PRKN: variants seen among roughly 807,000 people sequenced by gnomAD.
PRKN encodes parkin RBR E3 ubiquitin protein ligase, also known as E3 ubiquitin-protein ligase parkin.
In PRKN, 56 loss-of-function variants were observed where a neutral mutation model predicts 59.5. That is an observed-to-expected ratio of 0.94 (90% CI 0.76 to 1.18). PRKN has a LOEUF of 1.18. Among genes scored for constraint, PRKN ranks in the 50% most tolerant of loss-of-function variants. The probability of loss-of-function intolerance (pLI) is 0.00; values close to 1 mark genes in which losing one functional copy is unlikely to be tolerated. For synonymous variants in PRKN, 250 were observed against 222.1 expected (o/e 1.13, Z -1.12); for missense variants, 657 against 596.4 (o/e 1.10, Z -1.06).
intron 6 of PRKN, among the ~76,000 whole-genome samples, chr6:161,930,530 T>C (rs1299078946): frequency 1.3e-5 from 2 of 152,212 alleles, no homozygotes; most frequent in African/African-American, 4.8e-5. Context: ...CATGGCTGAG[T>C]ACCTCGTTGT....
intron 9 of PRKN, among the ~76,000 whole-genome samples, chr6:161,427,268 C>G (rs1203836524): frequency 6.6e-6 from 1 of 152,146 alleles, no homozygotes; most frequent in African/African-American, 2.4e-5. Context: ...CTTGGCCTCC[C>G]AAAATGCTGG....
chr6:161,839,860 C>T (rs1792912418), intron 6 of PRKN, among the ~76,000 whole-genome samples: 1 of 152,166 alleles, frequency 6.6e-6, no homozygotes, highest in Admixed American at 6.5e-5. Flanking sequence ...AAAATGTATC[C>T]TATTATAAAA....
chr6:161,370,984 G>A (rs940807929), intron 10 of PRKN, among the ~76,000 whole-genome samples: 9 of 152,290 alleles, frequency 5.9e-5, no homozygotes, highest in South Asian at 4.1e-4. Context: ...GCACTGCTGC[G>A]TGTGAGCAGC....
chr6:162,269,390 G>C (rs1488918098), intron 2 of PRKN, among the ~76,000 whole-genome samples: 3 of 152,186 alleles, frequency 2.0e-5, no homozygotes, highest in Admixed American at 2.0e-4. Flanking sequence ...GATGGCGTTA[G>C]TAACTTACCC....
At chr6:162,556,246 C>T (rs1163265290) in intron 1 of PRKN, among the ~76,000 whole-genome samples, 1 of 152,028 alleles carries the variant, frequency 6.6e-6, no homozygotes, top group African/African-American at 2.4e-5. Context: ...CCATTGTAAG[C>T]TCTCTGCGAA....
chr6:162,262,782 TAAAAAAAAAAA>T lies in PRKN; in HGVS notation c.172-28_172-18del, dbSNP rs751742289. 3.6e-4 allele frequency: 495 copies of T among 1,361,532 alleles called. 1 individual carries two copies. In the African/African-American group the frequency reaches 9.3e-3, roughly 26 times the overall value. 84.3% of individuals were successfully genotyped at this position (1,361,532 alleles called of 1,614,324 possible). A position where few individuals can be genotyped will look rare whatever the true frequency, so the allele number is the denominator to read the frequency against. On this transcript the variant is annotated intron_variant, in intron 2 of 11. Transcript: ENST00000366898. ...GTCACAATTCTGTTTGGGAGCAAGGTAAAAAAAAAAAAAAAAAAAAAGGAAATGTCAAACAT... is the reference window on the plus strand; with the variant it reads ...GTCACAATTCTGTTTGGGAGCAAGGTAAAAAAAAAAGGAAATGTCAAACAT...
intron 6 of PRKN, among the ~76,000 whole-genome samples, chr6:161,808,693 C>T (rs1220458739): frequency 6.6e-6 from 1 of 151,592 alleles, no homozygotes; most frequent in East Asian, 1.9e-4. Flanking sequence ...ACAAAATACA[C>T]TCTCCAATTT....
chr6:161,698,394 A>C (rs1211093343), intron 7 of PRKN, among the ~76,000 whole-genome samples: 1 of 152,188 alleles, frequency 6.6e-6, no homozygotes, highest in East Asian at 1.9e-4. Flanking sequence ...ATTCAGGATA[A>C]TGCCTAGAGT....
chr6:162,540,431 G>T (rs1778883120), intron 1 of PRKN, among the ~76,000 whole-genome samples: 1 of 151,994 alleles, frequency 6.6e-6, no homozygotes, highest in Non-Finnish European at 1.5e-5. Flanking sequence ...AATAATATAG[G>T]TAGGCAGAAT....
chr6:161,874,163 TAA>T (rs1491214763), intron 6 of PRKN, among the ~76,000 whole-genome samples: 15 of 46,256 alleles, frequency 3.2e-4, no homozygotes, highest in East Asian at 2.5e-3. Context: ...ATATTATATA[TAA>T]TATATAATAT....
At chr6:162,055,456 T>C (rs564595810) in intron 4 of PRKN, among the ~76,000 whole-genome samples, 52 of 152,166 alleles carry the variant, frequency 3.4e-4, no homozygotes, top group African/African-American at 1.3e-3. Context: ...GGGCTCAGGG[T>C]TCAGGAAATG....
chr6:162,203,733 T>TAGTC (rs914999077), intron 3 of PRKN, among the ~76,000 whole-genome samples: 2 of 152,194 alleles, frequency 1.3e-5, no homozygotes, highest in African/African-American at 4.8e-5. Flanking sequence ...TAGCTGTCTC[T>TAGTC]AGTCAATAGC....
At chr6:161,891,435 G>A (rs992055322) in intron 6 of PRKN, among the ~76,000 whole-genome samples, 2 of 152,146 alleles carry the variant, frequency 1.3e-5, no homozygotes, top group African/African-American at 2.4e-5. Flanking sequence ...CTTCAATTTC[G>A]TATTGTTCGG....
chr6:162,358,459 ATAAT>A (rs1000695034), intron 2 of PRKN, among the ~76,000 whole-genome samples: 5 of 152,190 alleles, frequency 3.3e-5, no homozygotes, highest in East Asian at 3.8e-4. Flanking sequence ...TTTTAAAATA[ATAAT>A]TAAATTGTTT....
chr6:162,569,232 C>G, intron 1 of PRKN: 1 of 574,778 alleles, frequency 1.7e-6, no homozygotes, highest in South Asian at 1.6e-5. Flanking sequence ...CAGCCCCAGG[C>G]TGAGACTGAG....
At chr6:162,078,211 G>C (rs572468163) in intron 4 of PRKN, among the ~76,000 whole-genome samples, 2 of 151,690 alleles carry the variant, frequency 1.3e-5, no homozygotes, top group African/African-American at 4.9e-5. Context: ...GAAATTCAAC[G>C]TTCTCTCATT....
At chr6:162,269,091 G>T (rs1387546414) in intron 2 of PRKN, among the ~76,000 whole-genome samples, 1 of 152,172 alleles carries the variant, frequency 6.6e-6, no homozygotes, top group African/African-American at 2.4e-5. Context: ...TGGTATAGGT[G>T]AGCTGGTAAC....
intron 4 of PRKN, among the ~76,000 whole-genome samples, chr6:162,059,156 C>A (rs140726596): frequency 3.1e-4 from 47 of 152,116 alleles, no homozygotes; most frequent in Non-Finnish European, 5.7e-4. Context: ...ATTTATGGAA[C>A]AATTCCCGTA....
At chr6:161,654,246 T>C (rs1267683331) in intron 7 of PRKN, among the ~76,000 whole-genome samples, 1 of 152,228 alleles carries the variant, frequency 6.6e-6, no homozygotes, top group Non-Finnish European at 1.5e-5. Context: ...AATTATGTTA[T>C]TTTCCTTTTG....
Sources: gnomAD v4.1 joint callset for allele counts (sites outside exome capture counted in the v4.1 genomes callset) on GRCh38, gnomAD v4.1.1 for gene constraint, MANE v1.5 for transcripts, NCBI Gene and HGNC (gene_info 2026-07-23, HGNC 2026-07-21) for gene names.